Variants in ITFG2 observed in about 807,000 individuals in gnomAD.
ITFG2 encodes integrin alpha FG-GAP repeat containing 2, also known as KICSTOR complex protein ITFG2.
A neutral mutation model predicts 54.4 loss-of-function variants in ITFG2; 36 were observed. That is an observed-to-expected ratio of 0.66 (90% confidence interval 0.51 to 0.87). The LOEUF (loss-of-function observed/expected upper bound fraction) is 0.87, where lower values mean the gene tolerates loss of function less well. Among genes scored for constraint, ITFG2 ranks in the 40% least tolerant of loss-of-function variants. The pLI is 0.00. For missense variants in ITFG2, 524 were observed against 576.7 expected, an observed-to-expected ratio of 0.91 and a Z score of 0.94; for synonymous variants, 211 against 225.4, an observed-to-expected ratio of 0.94 and a Z score of 0.57.
At chr12:2,848,871 A>ACG (rs1168506373) in intron 2 of ITFG2, among the ~76,000 whole-genome samples, 43 of 111,294 alleles carry the variant, frequency 3.9e-4, no homozygotes, top group African/African-American at 1.6e-3. Flanking sequence ...CAACAGACAC[A>ACG]CACACGCACA....
In ITFG2 at chr12:2,851,291, T is replaced by C. The variant is rs539195033; in HGVS notation, n.301-6721T>C. Among the ~76,000 whole-genome samples, 5 of 152,208 alleles carry C rather than the reference T, an allele frequency of 3.3e-5. No homozygotes were observed. In the East Asian group the frequency reaches 9.7e-4, roughly 29 times the overall value. ...GAGTGAATGTGAAGGCCTAGGACAT[T>C]ACTGTACACTACTGTGGACTTCATA... is the stretch of plus-strand genomic sequence containing the variant. On this transcript the variant is annotated intron_variant and non_coding_transcript_variant, in intron 2 of 3. Transcript: ENST00000537710.
At chr12:2,853,579 T>G (rs2098078050) in intron 2 of ITFG2, among the ~76,000 whole-genome samples, 1 of 152,010 alleles carries the variant, frequency 6.6e-6, no homozygotes, top group Non-Finnish European at 1.5e-5. Context: ...GGCCTGTTTT[T>G]TTTGTTGTTG....
chr12:2,828,241 G>T, downstream of ITFG2: 1 of 1,234,654 alleles, frequency 8.1e-7, no homozygotes, highest in Non-Finnish European at 1.2e-6. Flanking sequence ...GATAAAATAT[G>T]CAACTGTCGT....
At chr12:2,822,769 T>C in intron 9 of ITFG2, 25 bp from the exon 10 acceptor site, 1 of 1,593,374 alleles carries the variant, frequency 6.3e-7, no homozygotes, top group Non-Finnish European at 8.6e-7. Context: ...TCCTTTATGT[T>C]CCTTTTGTCT....
chr12:2,824,068 C>CT, intron 11 of ITFG2, 22 bp from the exon 12 acceptor site: 1 of 1,614,008 alleles, frequency 6.2e-7, no homozygotes, highest in Non-Finnish European at 8.5e-7. Flanking sequence ...CAGCCTCTTA[C>CT]CCACCCCTTC....
chr12:2,857,147 C>G lies in ITFG2; in HGVS notation n.301-865C>G, dbSNP rs1016163843. ...AGTGGTGATGCAGAGAAGAGGCCCT[C>G]ACCTGTCCCTGGAGCCTCTTGTGAC... On this transcript the variant is annotated intron_variant and non_coding_transcript_variant, in intron 2 of 3. Transcript: ENST00000537710. 3 of 696,170 alleles carry G rather than the reference C, an allele frequency of 4.3e-6. No homozygotes were observed. The African/African-American group carries it at 5.3e-5, about 12-fold the overall frequency. The allele number at this position is 696,170 out of a possible 1,614,324, so 43.1% of individuals were successfully genotyped here. A position where few individuals can be genotyped will look rare whatever the true frequency, so the allele number is the denominator to read the frequency against.
chr12:2,840,076 A>G (rs191435001), intron 1 of ITFG2, among the ~76,000 whole-genome samples: 36 of 145,368 alleles, frequency 2.5e-4, no homozygotes, highest in Admixed American at 7.7e-4. Flanking sequence ...CTTCTAACAA[A>G]CCCGCACATG....
intron 3 of ITFG2, chr12:2,858,556 C>T: frequency 8.0e-7 from 1 of 1,251,258 alleles, no homozygotes; most frequent in South Asian, 1.4e-5. Flanking sequence ...GCCTGCTGTC[C>T]TCACTCAGAG....
At chr12:2,843,648 A>C (rs1011985160) in intron 2 of ITFG2, among the ~76,000 whole-genome samples, 1 of 152,170 alleles carries the variant, frequency 6.6e-6, no homozygotes, top group African/African-American at 2.4e-5. Flanking sequence ...CCCAGTCTCC[A>C]CTAAAAATAC....
chr12:2,841,880 G>A (rs1456901302), intron 2 of ITFG2, among the ~76,000 whole-genome samples: 14 of 148,066 alleles, frequency 9.5e-5, no homozygotes, highest in African/African-American at 3.0e-4. Context: ...CACCACGCCC[G>A]GCTAATTTTT....
At chr12:2,859,370 A>G (rs374856751) in intron 3 of ITFG2, 11 of 1,613,692 alleles carry the variant, frequency 6.8e-6, no homozygotes, top group Non-Finnish European at 9.3e-6. Context: ...TTGGGGACCT[A>G]AGCCCACTGT....
chr12:2,827,527 C>G (rs1159766439), downstream of ITFG2: 52 of 1,589,100 alleles, frequency 3.3e-5, no homozygotes, highest in Non-Finnish European at 4.1e-5. The surrounding 1 kb of genome is among the most constrained non-coding windows in gnomAD (Gnocchi z 4.0). Context: ...TTGCCCATCT[C>G]TAAGTCACTC....
At chr12:2,829,898 A>G (rs55893327), downstream of ITFG2, among the ~76,000 whole-genome samples, 13 of 142,978 alleles carry the variant, frequency 9.1e-5, 1 homozygote, top group East Asian at 2.7e-3. Context: ...ACCAACCTGG[A>G]GAAACCCCAT....
At chr12:2,821,511 C>T (rs781637865) in intron 7 of ITFG2, 32 bp from the exon 8 acceptor site, 1 of 1,612,356 alleles carries the variant, frequency 6.2e-7, no homozygotes, top group Non-Finnish European at 8.5e-7. Context: ...CCTTGCCCTG[C>T]CCTTTACATA....
intron 2 of ITFG2, chr12:2,857,417 C>G (rs2098091130): frequency 3.8e-6 from 1 of 262,298 alleles, no homozygotes; most frequent in Non-Finnish European, 7.6e-6. Flanking sequence ...CTCAAAAGGC[C>G]TAAGTTAACC....
upstream of ITFG2, chr12:2,835,161 G>GTT (rs1358124220): frequency 1.1e-6 from 1 of 920,506 alleles, no homozygotes; most frequent in East Asian, 3.9e-5. Context: ...TGGGGCGTAT[G>GTT]TGTGTGTGTG....
chr12:2,819,757 G>GA (rs112425431), intron 4 of ITFG2: 4,876 of 180,688 alleles, frequency 0.027, no homozygotes, highest in Middle Eastern at 0.059. Flanking sequence ...AACATTTGGT[G>GA]AAAAAAAAAA....
chr12:2,846,532 T>G (rs2098053829), intron 2 of ITFG2, among the ~76,000 whole-genome samples: 1 of 152,080 alleles, frequency 6.6e-6, no homozygotes, highest in South Asian at 2.1e-4. Flanking sequence ...AGCAAGTCAC[T>G]TCTCGACGGG....
intron 2 of ITFG2, among the ~76,000 whole-genome samples, chr12:2,851,907 T>G (rs2098072351): frequency 6.6e-6 from 1 of 151,112 alleles, no homozygotes; most frequent in Non-Finnish European, 1.5e-5. Flanking sequence ...TTGAACTCCT[T>G]ACCTCAAGTG....
Sources: allele counts gnomAD v4.1 joint callset (sites outside exome capture counted in the v4.1 genomes callset), GRCh38; gene constraint gnomAD v4.1.1; non-coding constraint Gnocchi (gnomAD v3.1); transcripts MANE v1.5; gene names NCBI Gene and HGNC (gene_info 2026-07-23, HGNC 2026-07-21).